FANCC: variants seen among roughly 807,000 people sequenced by gnomAD.
FANCC encodes FA complementation group C.
Under a neutral mutation model 71.3 loss-of-function variants are expected in FANCC, and 55 were observed. The ratio of observed to expected loss-of-function variants is 0.77; its 90% CI spans 0.62 to 0.97. The LOEUF is 0.97. Among genes scored for constraint, FANCC ranks in the 50% least tolerant of loss-of-function variants. FANCC has a pLI of 0.00. For synonymous variants in FANCC, 275 were observed against 244.9 expected (o/e 1.12, Z -1.15); for missense variants, 678 against 670.9 (o/e 1.01, Z -0.12).
intron 4 of FANCC, among the ~76,000 whole-genome samples, chr9:95,235,465 T>G (rs1830259543): frequency 6.6e-6 from 1 of 152,180 alleles, no homozygotes; most frequent in Non-Finnish European, 1.5e-5. Flanking sequence ...GATCACAGAC[T>G]TACATAGGAA....
intron 4 of FANCC, among the ~76,000 whole-genome samples, chr9:95,200,539 G>A (rs771742442): frequency 6.6e-6 from 1 of 152,156 alleles, no homozygotes; most frequent in Non-Finnish European, 1.5e-5. Flanking sequence ...CAGAGTCAGG[G>A]ATGTGAGGAC....
At chr9:95,134,668 A>G (rs1323542622) in intron 8 of FANCC, among the ~76,000 whole-genome samples, 16 of 152,202 alleles carry the variant, frequency 1.1e-4, no homozygotes, top group Admixed American at 9.2e-4. Context: ...TCCTTACAAA[A>G]TGTGCTCCAA....
chr9:95,134,595 C>T (rs1229388753), intron 8 of FANCC, among the ~76,000 whole-genome samples: 1 of 152,220 alleles, frequency 6.6e-6, no homozygotes, highest in Non-Finnish European at 1.5e-5. Flanking sequence ...ACAGAGGCTG[C>T]GGGACCATGG....
intron 14 of FANCC, among the ~76,000 whole-genome samples, chr9:95,104,820 T>C (rs896371775): frequency 4.6e-5 from 7 of 152,128 alleles, no homozygotes; most frequent in Non-Finnish European, 1.0e-4. Flanking sequence ...GAGCTGGAAT[T>C]GTCCTTGTCA....
intron 4 of FANCC, among the ~76,000 whole-genome samples, chr9:95,201,473 G>T (rs556474761): frequency 6.6e-6 from 1 of 152,148 alleles, no homozygotes; most frequent in African/African-American, 2.4e-5. Flanking sequence ...TGAAGGCCTG[G>T]CAAGTCTTGA....
Position 95,172,019 on chromosome 9 carries a change from T to C in FANCC, c.456+18A>G, listed in dbSNP as rs1554842783. 6.9e-7 allele frequency: 1 copy of C among 1,452,990 alleles called. No homozygotes were observed. The highest frequency in any genetic ancestry group is 9.7e-7 in the Non-Finnish European group (1 of 1,033,822). 90.0% of individuals were successfully genotyped at this position (1,452,990 alleles called of 1,614,324 possible). A position where few individuals can be genotyped will look rare whatever the true frequency, so the allele number is the denominator to read the frequency against. ...TCAGCATTAAACATTTCAAAAGTGA[T>C]AAATTTTAAATACTCACATTTTTAA... On this transcript the variant is annotated intron_variant, in intron 5 of 14. Coordinates refer to ENST00000289081, the MANE Select transcript of FANCC (RefSeq NM_000136.3).
intron 1 of FANCC, among the ~76,000 whole-genome samples, chr9:95,260,695 A>AAC (rs1554861402): frequency 6.6e-6 from 1 of 151,866 alleles, no homozygotes; most frequent in Non-Finnish European, 1.5e-5. Flanking sequence ...ATAAAAAAAA[A>AAC]AAAAAAACTT....
At chr9:95,227,193 G>A (rs2135968204) in intron 4 of FANCC, among the ~76,000 whole-genome samples, 1 of 152,254 alleles carries the variant, frequency 6.6e-6, no homozygotes, top group Middle Eastern at 3.4e-3. Context: ...GTCAGTTCGG[G>A]AGAGAAAATT....
At chr9:95,303,511 G>GTGGC (rs1834880778) in intron 1 of FANCC, among the ~76,000 whole-genome samples, 1 of 152,190 alleles carries the variant, frequency 6.6e-6, no homozygotes, top group Non-Finnish European at 1.5e-5. Flanking sequence ...CACATACATG[G>GTGGC]TGGCTTAAAT....
intron 1 of FANCC, among the ~76,000 whole-genome samples, chr9:95,291,172 C>T (rs1279130493): frequency 1.3e-5 from 2 of 152,038 alleles, no homozygotes; most frequent in Non-Finnish European, 2.9e-5. Flanking sequence ...AACAATACAA[C>T]GAGGTCCACT....
At chr9:95,255,480 A>G (rs1018156778) in intron 1 of FANCC, among the ~76,000 whole-genome samples, 2 of 152,202 alleles carry the variant, frequency 1.3e-5, no homozygotes, top group Admixed American at 6.5e-5. Flanking sequence ...GAAAACTAAC[A>G]AACAGAAAGG....
At chr9:95,202,946 G>T (rs1435284124) in intron 4 of FANCC, among the ~76,000 whole-genome samples, 2 of 152,158 alleles carry the variant, frequency 1.3e-5, no homozygotes, top group Non-Finnish European at 2.9e-5. Flanking sequence ...TTTGTTAAAA[G>T]TCACATATTA....
chr9:95,298,878 C>T (rs1000925465), intron 1 of FANCC, among the ~76,000 whole-genome samples: 2 of 152,128 alleles, frequency 1.3e-5, no homozygotes, highest in Non-Finnish European at 2.9e-5. Flanking sequence ...GTACCACAAA[C>T]GCAATCCAAA....
intron 3 of FANCC, among the ~76,000 whole-genome samples, chr9:95,244,777 A>ATGCC (rs2136075206): frequency 6.6e-6 from 1 of 151,130 alleles, no homozygotes; most frequent in South Asian, 2.1e-4. Context: ...GCTAGTGGGA[A>ATGCC]TGCCAAGACT....
chr9:95,172,988 T>A (rs549658877), intron 4 of FANCC, among the ~76,000 whole-genome samples: 1 of 152,154 alleles, frequency 6.6e-6, no homozygotes. Context: ...TATTATCAAA[T>A]TAATGTACAA....
At chr9:95,312,686 A>G (rs761574182) in intron 1 of FANCC, among the ~76,000 whole-genome samples, 2 of 152,264 alleles carry the variant, frequency 1.3e-5, no homozygotes, top group African/African-American at 4.8e-5. Context: ...GGACTGGAGT[A>G]ACAAGGTGCT....
intron 4 of FANCC, among the ~76,000 whole-genome samples, chr9:95,223,297 C>A (rs865782455): frequency 3.9e-5 from 6 of 152,226 alleles, no homozygotes; most frequent in African/African-American, 1.2e-4. Flanking sequence ...CCTCTCCCTA[C>A]ACTTCTGGGG....
intron 10 of FANCC, chr9:95,123,845 C>G: frequency 4.7e-6 from 3 of 631,956 alleles, no homozygotes; most frequent in South Asian, 2.8e-5. Flanking sequence ...TGCTGCCCCA[C>G]AACCCCCACC....
chr9:95,288,305 A>G (rs929688209), intron 1 of FANCC, among the ~76,000 whole-genome samples: 3 of 152,208 alleles, frequency 2.0e-5, no homozygotes, highest in Non-Finnish European at 2.9e-5. Context: ...GACCATATAT[A>G]GGAGAAAATT....
Sources: gnomAD v4.1 joint callset for allele counts (sites outside exome capture counted in the v4.1 genomes callset) on GRCh38, gnomAD v4.1.1 for gene constraint, MANE v1.5 for transcripts, NCBI Gene and HGNC (gene_info 2026-07-23, HGNC 2026-07-21) for gene names.